CFAP299: variants seen among roughly 807,000 people sequenced by gnomAD.
CFAP299 encodes cilia- and flagella-associated protein 299.
CFAP299 carries 21 observed loss-of-function variants against 27.0 expected under a neutral mutation model. That is an observed-to-expected ratio of 0.78 (90% CI 0.55 to 1.12). The LOEUF (loss-of-function observed/expected upper bound fraction) is 1.12. CFAP299 is among the 50% of genes most tolerant of loss of function. The pLI is 0.00. For synonymous variants in CFAP299, 104 were observed against 98.1 expected, an observed-to-expected ratio of 1.06 and a Z score of -0.36; for missense variants, 310 against 276.6, an observed-to-expected ratio of 1.12 and a Z score of -0.86.
rs185453594 is a variant in CFAP299, at chr4:80,902,320, T to A, written c.476+32185T>A. On this transcript the variant is annotated intron_variant, in intron 4 of 5. Transcript: ENST00000358105. ...TATATCATTATTTTATCCATATATATATGGATTATTATTTTATCCATATAT... is the reference window on the plus strand; with the variant it reads ...TATATCATTATTTTATCCATATATAAATGGATTATTATTTTATCCATATAT... 3.5e-3 allele frequency among the ~76,000 whole-genome samples: 519 copies of A among 147,896 alleles called. 6 individuals are homozygous for A. The highest frequency in any genetic ancestry group is 0.012 in the African/African-American group (469 of 40,622).
At chr4:80,787,038 G>T (rs947562892) in intron 3 of CFAP299, among the ~76,000 whole-genome samples, 1 of 151,744 alleles carries the variant, frequency 6.6e-6, no homozygotes, top group Admixed American at 6.6e-5. Flanking sequence ...TGGGTTGAAT[G>T]ATTAGAAAAT....
intron 4 of CFAP299, among the ~76,000 whole-genome samples, chr4:80,924,542 A>G (rs202147210): frequency 0.082 from 10,730 of 131,220 alleles, 679 homozygotes; most frequent in African/African-American, 0.2. Context: ...GTGTGTGTAT[A>G]TATATATATA....
At chr4:80,810,951 TTCTTG>T (rs1181044735) in intron 3 of CFAP299, among the ~76,000 whole-genome samples, 1 of 152,106 alleles carries the variant, frequency 6.6e-6, no homozygotes, top group Non-Finnish European at 1.5e-5. Context: ...GGTTCTTACC[TTCTTG>T]TCTTATTTTC....
Position 80,870,113 on chromosome 4 carries a change from C to T in CFAP299, c.454C>T (p.Leu152Phe), listed in dbSNP as rs1732995846. Residue 152 changes from leucine (L) to phenylalanine (F), a missense_variant, in exon 4 of 6, where the codon CTT (leucine) becomes TTT (phenylalanine). Coordinates refer to ENST00000358105, the MANE Select transcript of CFAP299 (RefSeq NM_152770.3). ...EVYFTGKKRL[L>F]PRPTDISFYN... ...CTACTTTACTGGAAAAAAAAGACTT[C>T]TTCCAAGGCCTACAGATATAAGGTA... 1 of 1,612,240 alleles carries T rather than the reference C, an allele frequency of 6.2e-7. No individual in the cohort carries two copies. The highest frequency in any genetic ancestry group is 1.3e-5 in the African/African-American group (1 of 74,764).
intron 3 of CFAP299, among the ~76,000 whole-genome samples, chr4:80,646,988 A>AGTGT (rs1187314742): frequency 0.045 from 1,390 of 31,078 alleles, 20 homozygotes; most frequent in African/African-American, 0.073. Flanking sequence ...AGAGAGAGAG[A>AGTGT]GTGTGTGTGT....
At chr4:80,415,200 C>T (rs747144580) in intron 2 of CFAP299, among the ~76,000 whole-genome samples, 5 of 152,142 alleles carry the variant, frequency 3.3e-5, no homozygotes, top group Non-Finnish European at 7.4e-5. Flanking sequence ...GCAGTGACAA[C>T]ATAGCTAACA....
intron 2 of CFAP299, among the ~76,000 whole-genome samples, chr4:80,390,236 G>A (rs929028191): frequency 1.3e-5 from 2 of 151,856 alleles, no homozygotes; most frequent in East Asian, 3.9e-4. Flanking sequence ...ACTCATTCTA[G>A]ATTACTGAAA....
intron 3 of CFAP299, among the ~76,000 whole-genome samples, chr4:80,722,908 A>C (rs980963258): frequency 7.0e-6 from 1 of 143,196 alleles, no homozygotes. Context: ...CAAAAACAAA[A>C]CAAAAAAAAA....
intron 2 of CFAP299, among the ~76,000 whole-genome samples, chr4:80,581,161 A>G (rs1043900011): frequency 1.3e-5 from 2 of 151,810 alleles, no homozygotes; most frequent in South Asian, 4.1e-4. Context: ...GACCATAAGC[A>G]GGAAATTAGG....
At chr4:80,957,965 G>T (rs1738150261) in intron 5 of CFAP299, among the ~76,000 whole-genome samples, 2 of 151,992 alleles carry the variant, frequency 1.3e-5, no homozygotes, top group Non-Finnish European at 2.9e-5. Flanking sequence ...AAATTCTAAG[G>T]CTATACAATT....
chr4:80,808,935 G>A (rs1285281156), intron 3 of CFAP299, among the ~76,000 whole-genome samples: 1 of 152,092 alleles, frequency 6.6e-6, no homozygotes, highest in African/African-American at 2.4e-5. Context: ...TCTTCCAGAT[G>A]CAGAGAAAAT....
intron 4 of CFAP299, among the ~76,000 whole-genome samples, chr4:80,922,623 A>T (rs1736102338): frequency 6.6e-6 from 1 of 151,992 alleles, no homozygotes; most frequent in Admixed American, 6.6e-5. Context: ...TTTTATCTAC[A>T]TGATATACAT....
intron 3 of CFAP299, among the ~76,000 whole-genome samples, chr4:80,632,262 T>G (rs971506035): frequency 6.7e-6 from 1 of 150,248 alleles, no homozygotes; most frequent in African/African-American, 2.4e-5. Flanking sequence ...ACAATTTGGT[T>G]TTCCTTTAAT....
intron 2 of CFAP299, among the ~76,000 whole-genome samples, chr4:80,377,238 T>C (rs773761174): frequency 1.8e-4 from 28 of 152,270 alleles, no homozygotes; most frequent in African/African-American, 6.0e-4. Context: ...TTTAAAACTT[T>C]AGAGTTCTAG....
At chr4:80,858,985 G>C (rs1732124749) in intron 3 of CFAP299, among the ~76,000 whole-genome samples, 1 of 152,138 alleles carries the variant, frequency 6.6e-6, no homozygotes, top group African/African-American at 2.4e-5. Flanking sequence ...CTGTCTTGTT[G>C]ATCTGTCTAA....
chr4:80,704,891 T>C (rs2110030853), intron 3 of CFAP299, among the ~76,000 whole-genome samples: 1 of 151,984 alleles, frequency 6.6e-6, no homozygotes, highest in East Asian at 1.9e-4. Context: ...GCCTCCAGTG[T>C]TAAATGGTAA....
chr4:80,816,855 G>A (rs1729446301), intron 3 of CFAP299, among the ~76,000 whole-genome samples: 2 of 152,028 alleles, frequency 1.3e-5, no homozygotes, highest in Non-Finnish European at 2.9e-5. Flanking sequence ...TAAAAAAAAT[G>A]CAAGAAAACC....
intron 2 of CFAP299, among the ~76,000 whole-genome samples, chr4:80,382,441 C>T (rs192897968): frequency 1.3e-5 from 2 of 152,266 alleles, no homozygotes; most frequent in South Asian, 2.1e-4. Context: ...AACTATGCAT[C>T]TGACAAAGGT....
intron 2 of CFAP299, among the ~76,000 whole-genome samples, chr4:80,493,759 C>CT (rs1177389983): frequency 0.023 from 1,728 of 76,770 alleles, 300 homozygotes; most frequent in East Asian, 0.071. Flanking sequence ...ATCTCATATT[C>CT]TTTTTTTTTT....
Sources: gnomAD v4.1 joint callset for allele counts (sites outside exome capture counted in the v4.1 genomes callset) on GRCh38, gnomAD v4.1.1 for gene constraint, MANE v1.5 for transcripts, NCBI Gene and HGNC (gene_info 2026-07-23, HGNC 2026-07-21) for gene names.